POFUT3: variants seen among roughly 807,000 people sequenced by gnomAD.
The protein encoded by POFUT3 is GDP-fucose protein O-fucosyltransferase 3.
At chr8:33,331,662 T>C in the POFUT3 span, among the ~76,000 whole-genome samples, 1 of 151,118 alleles carries the variant, frequency 6.6e-6, no homozygotes, top group East Asian at 2.0e-4. Flanking sequence ...TCTCTAAAGA[T>C]TTTGTTGTTG....
chr8:33,347,317 T>C, the POFUT3 span, among the ~76,000 whole-genome samples: 1 of 152,212 alleles, frequency 6.6e-6, no homozygotes, highest in Non-Finnish European at 1.5e-5. Context: ...TACCATAGGT[T>C]CTGCAAATAC....
chr8:33,391,510 G>T, the POFUT3 span, among the ~76,000 whole-genome samples: 2 of 152,188 alleles, frequency 1.3e-5, no homozygotes, highest in African/African-American at 4.8e-5. Flanking sequence ...TAATCATTAA[G>T]ATAGAGAAAC....
chr8:33,321,993 C>A, the POFUT3 span, among the ~76,000 whole-genome samples: 1 of 152,194 alleles, frequency 6.6e-6, no homozygotes, highest in East Asian at 1.9e-4. Context: ...GTCTGGCTCA[C>A]CACTGCATGC....
At chr8:33,346,689 A>G in the POFUT3 span, among the ~76,000 whole-genome samples, 11 of 152,198 alleles carry the variant, frequency 7.2e-5, no homozygotes, top group Non-Finnish European at 1.6e-4. Context: ...CTCAAGTCAC[A>G]TCAGGGCCAT....
At chr8:33,345,826 CTTTTT>C in the POFUT3 span, among the ~76,000 whole-genome samples, 1 of 137,680 alleles carries the variant, frequency 7.3e-6, no homozygotes, top group Non-Finnish European at 1.6e-5. Context: ...GTATTTATTA[CTTTTT>C]TTTTTTTTTT....
chr8:33,331,595 G>A, the POFUT3 span, among the ~76,000 whole-genome samples: 1 of 152,150 alleles, frequency 6.6e-6, no homozygotes, highest in African/African-American at 2.4e-5. Flanking sequence ...GCCGAAGCAG[G>A]CACATTGCTT....
chr8:33,308,110 TAAC>T, the POFUT3 span, among the ~76,000 whole-genome samples: 1 of 152,164 alleles, frequency 6.6e-6, no homozygotes, highest in Non-Finnish European at 1.5e-5. Flanking sequence ...AAATGTATGA[TAAC>T]AACATGAAAG....
At chr8:33,310,484 C>T in the POFUT3 span, among the ~76,000 whole-genome samples, 1 of 151,978 alleles carries the variant, frequency 6.6e-6, no homozygotes, top group Non-Finnish European at 1.5e-5. Flanking sequence ...TCAAGGCAGG[C>T]AAATTCCTTG....
the POFUT3 span, among the ~76,000 whole-genome samples, chr8:33,372,996 G>A: frequency 6.6e-6 from 1 of 152,028 alleles, no homozygotes; most frequent in African/African-American, 2.4e-5. Flanking sequence ...CCATTTTACA[G>A]GAGTGGAAAC....
At chr8:33,315,557 T>G in the POFUT3 span, among the ~76,000 whole-genome samples, 1 of 152,006 alleles carries the variant, frequency 6.6e-6, no homozygotes, top group Non-Finnish European at 1.5e-5. Flanking sequence ...GTGGGGGCCG[T>G]GTCCTGCCTT....
At chr8:33,460,784 G>A in the POFUT3 span, 2 of 983,298 alleles carry the variant, frequency 2.0e-6, no homozygotes, top group Non-Finnish European at 2.4e-6. Flanking sequence ...GTTTAAAAAA[G>A]GGGGGCAGGG....
At chr8:33,333,124 A>C in the POFUT3 span, among the ~76,000 whole-genome samples, 1 of 152,252 alleles carries the variant, frequency 6.6e-6, no homozygotes, top group Admixed American at 6.5e-5. Context: ...ACCAAGGCAA[A>C]TCGCCAAACT....
the POFUT3 span, chr8:33,394,100 G>A: frequency 9.5e-5 from 15 of 158,078 alleles, no homozygotes; most frequent in South Asian, 1.8e-3. Context: ...TAGGAGGATC[G>A]CTTGAGCCCA....
the POFUT3 span, among the ~76,000 whole-genome samples, chr8:33,399,976 T>C: frequency 4.6e-5 from 7 of 151,816 alleles, no homozygotes; most frequent in Non-Finnish European, 8.8e-5. Flanking sequence ...TCTGAGAAGA[T>C]ACCCATTTGC....
At chr8:33,361,833 T>C in the POFUT3 span, among the ~76,000 whole-genome samples, 3 of 152,300 alleles carry the variant, frequency 2.0e-5, no homozygotes, top group African/African-American at 7.2e-5. Flanking sequence ...TGTTTCCCAA[T>C]TGAAAAACCA....
chr8:33,414,596 C>G, the POFUT3 span, among the ~76,000 whole-genome samples: 4 of 151,988 alleles, frequency 2.6e-5, no homozygotes, highest in East Asian at 7.7e-4. Flanking sequence ...GGCTTTTTCC[C>G]CCTATTAATC....
At chr8:33,338,081 C>T in the POFUT3 span, among the ~76,000 whole-genome samples, 1 of 152,300 alleles carries the variant, frequency 6.6e-6, no homozygotes, top group African/African-American at 2.4e-5. Flanking sequence ...TATAAAGACA[C>T]ATATTAGATT....
the POFUT3 span, among the ~76,000 whole-genome samples, chr8:33,412,023 A>AGTCAT: frequency 0.019 from 2,877 of 151,912 alleles, 95 homozygotes; most frequent in African/African-American, 0.066. Context: ...GCACACTGAG[A>AGTCAT]GTTTCCTCAT....
chr8:33,313,310 A>G, the POFUT3 span, among the ~76,000 whole-genome samples: 1 of 152,180 alleles, frequency 6.6e-6, no homozygotes, highest in Non-Finnish European at 1.5e-5. Flanking sequence ...ATTTATTGCT[A>G]TGAATGGTGG....
Sources: gnomAD v4.1 joint callset for allele counts (sites outside exome capture counted in the v4.1 genomes callset) on GRCh38, gnomAD v4.1.1 for gene constraint, MANE v1.5 for transcripts, NCBI Gene and HGNC (gene_info 2026-07-23, HGNC 2026-07-21) for gene names.